SLC9A7: variants seen among roughly 807,000 people sequenced by gnomAD.
SLC9A7 encodes solute carrier family 9 member A7.
A neutral mutation model predicts 52.6 loss-of-function variants in SLC9A7; 19 were observed. The observed-to-expected ratio is 0.36, with a 90% CI of 0.25 to 0.53. The LOEUF is 0.53. SLC9A7 is among the 20% of genes least tolerant of loss of function. The pLI, the probability that SLC9A7 is intolerant of heterozygous loss-of-function variation, is 0.91. For synonymous variants in SLC9A7, 226 were observed against 252.1 expected (o/e 0.90, Z 0.98); for missense variants, 455 against 597.9 (o/e 0.76, Z 2.49).
intron 3 of SLC9A7, among the ~76,000 whole-genome samples, chrX:46,679,107 T>C (rs1944169958): frequency 8.9e-6 from 1 of 112,258 alleles, no homozygotes; most frequent in Non-Finnish European, 1.9e-5. Flanking sequence ...TCTACAATGT[T>C]ATATAAATGA....
intron 1 of SLC9A7, among the ~76,000 whole-genome samples, chrX:46,736,972 A>G (rs1945131548): frequency 9.0e-6 from 1 of 111,650 alleles, no homozygotes; most frequent in Admixed American, 9.5e-5. Context: ...TGGCCTTCAT[A>G]AGCATTCCTG....
rs761812215 is a variant in SLC9A7 at position 46,703,814 on chromosome X, T to C, written c.326-21279A>G. On this transcript the variant is annotated intron_variant, in intron 1 of 16. Transcript: ENST00000616978. The stretch of plus-strand genomic sequence containing the variant: ...ACAAGTTGCATAACATGTTACCTTT[T>C]GAGGGGAGATAAAAATCTATCTCAG... Among the ~76,000 whole-genome samples the C allele has an allele frequency of 1.4e-3, 155 of 111,757 alleles. 2 individuals are homozygous for C. Among genetic ancestry groups the C allele is most frequent in the African/African-American group, 4.9e-3 (152 of 30,817 alleles).
chrX:46,612,944 AAAAAAAAAAAAAAAAAAAAAAG>A (rs1398846488), intron 16 of SLC9A7, among the ~76,000 whole-genome samples: 1 of 94,889 alleles, frequency 1.1e-5, no homozygotes, highest in East Asian at 3.2e-4. Flanking sequence ...AAAAAAAAAA[AAAAAAAAAAAAAAAAAAAAAAG>A]AGAGAGAGAA....
At chrX:46,640,192 G>C (rs1180900301) in intron 12 of SLC9A7, among the ~76,000 whole-genome samples, 1 of 112,289 alleles carries the variant, frequency 8.9e-6, no homozygotes, top group African/African-American at 3.2e-5. Context: ...TAGTCATCAA[G>C]ACAGTATGGT....
intron 1 of SLC9A7, among the ~76,000 whole-genome samples, chrX:46,707,293 G>A (rs1447211945): frequency 8.9e-6 from 1 of 112,086 alleles, no homozygotes; most frequent in Non-Finnish European, 1.9e-5. Flanking sequence ...GGTGAATTCC[G>A]TTCTCACAAA....
chrX:46,745,294 A>G lies in SLC9A7; in HGVS notation c.325+13411T>C, dbSNP rs539922853. On this transcript the variant is annotated intron_variant, in intron 1 of 16. Transcript: ENST00000616978. ...TGTGTTTGTTCTAACCTGTCTGAAG[A>G]CTACCCAAAGGAATGACTTGAGGTT... is the stretch of plus-strand genomic sequence containing the variant. Among the ~76,000 whole-genome samples, 30 of 111,805 alleles carry G rather than the reference A, an allele frequency of 2.7e-4. No individual in the cohort carries two copies. The South Asian group carries it at 0.01, about 39-fold the overall frequency.
chrX:46,616,275 C>T (rs1365675861), intron 15 of SLC9A7, among the ~76,000 whole-genome samples: 1 of 100,608 alleles, frequency 9.9e-6, no homozygotes, highest in Non-Finnish European at 2.0e-5. Flanking sequence ...GAGTTATGAT[C>T]GTGCCACTGC....
At chrX:46,662,421 TCA>T (rs1943839678) in intron 6 of SLC9A7, 115 bp downstream of exon 6, 4 of 576,005 alleles carry the variant, frequency 6.9e-6, no homozygotes, top group Non-Finnish European at 8.2e-6. Flanking sequence ...CTGATAAATC[TCA>T]TTTAGAAAAA....
At chrX:46,651,264 C>T in intron 9 of SLC9A7, 41 bp from the exon 10 acceptor site, 2 of 1,171,521 alleles carry the variant, frequency 1.7e-6, no homozygotes, top group Non-Finnish European at 2.3e-6. Context: ...CCCTGCAGTT[C>T]CCCCTTCCCT....
At chrX:46,733,960 T>C (rs1945082352) in intron 1 of SLC9A7, among the ~76,000 whole-genome samples, 1 of 112,077 alleles carries the variant, frequency 8.9e-6, no homozygotes. Context: ...ATTGTCACAC[T>C]GGGGAAAAAA....
chrX:46,617,436 G>A (rs1942971567), intron 15 of SLC9A7, among the ~76,000 whole-genome samples: 1 of 111,220 alleles, frequency 9.0e-6, no homozygotes, highest in Admixed American at 9.6e-5. Flanking sequence ...AAAGTTGGGT[G>A]GGGAGTGACT....
chrX:46,631,007 C>T (rs1943212317), intron 14 of SLC9A7, among the ~76,000 whole-genome samples: 1 of 112,366 alleles, frequency 8.9e-6, no homozygotes, highest in African/African-American at 3.2e-5. Flanking sequence ...TGGTTGGGTC[C>T]TTCCAGCCCA....
At chrX:46,630,980 C>T (rs1291195991) in intron 14 of SLC9A7, among the ~76,000 whole-genome samples, 1 of 112,527 alleles carries the variant, frequency 8.9e-6, no homozygotes, top group African/African-American at 3.2e-5. Context: ...CACAGACATT[C>T]CTGTCAGAAG....
chrX:46,648,165 G>C (rs1172298638), intron 11 of SLC9A7, among the ~76,000 whole-genome samples: 3 of 112,327 alleles, frequency 2.7e-5, no homozygotes, highest in Admixed American at 9.4e-5. Flanking sequence ...TTAAATTCTA[G>C]TGTTGGGTCC....
chrX:46,734,243 ACACACACACACACT>A (rs1303739552), intron 1 of SLC9A7, among the ~76,000 whole-genome samples: 5 of 111,404 alleles, frequency 4.5e-5, no homozygotes, highest in Non-Finnish European at 7.5e-5. Flanking sequence ...TAAAACACAC[ACACACACACACACT>A]CACACACATA....
intron 1 of SLC9A7, among the ~76,000 whole-genome samples, chrX:46,718,055 A>G (rs1452158071): frequency 8.9e-6 from 1 of 111,889 alleles, no homozygotes; most frequent in Non-Finnish European, 1.9e-5. Context: ...TATACTACAA[A>G]GCTACAGTAA....
Position 46,656,670 on chromosome X carries a change from GA to G in SLC9A7, c.1042-2957del, listed in dbSNP as rs1362767714. ...AATGAAGCGAGAAAGGAAGTTTAGA[GA>G]AAAAAGAATAAAAAGAAATGAGCAA... is the stretch of plus-strand genomic sequence containing the variant. On this transcript the variant is annotated intron_variant, in intron 7 of 16. Transcript: ENST00000616978. 3.4e-4 allele frequency among the ~76,000 whole-genome samples: 38 copies of G among 111,642 alleles called. 1 individual carries two copies. Among genetic ancestry groups the G allele is most frequent in the Middle Eastern group, 4.6e-3 (1 of 218 alleles).
At chrX:46,643,923 G>T (rs1445547205) in intron 11 of SLC9A7, among the ~76,000 whole-genome samples, 1 of 111,961 alleles carries the variant, frequency 8.9e-6, no homozygotes, top group Non-Finnish European at 1.9e-5. Flanking sequence ...GGTTTTGTGG[G>T]CCAAGAGGCA....
chrX:46,755,934 A>C (rs1922633873), intron 1 of SLC9A7, among the ~76,000 whole-genome samples: 1 of 109,574 alleles, frequency 9.1e-6, no homozygotes, highest in Non-Finnish European at 1.9e-5. Flanking sequence ...CCCCCAAGGA[A>C]ACCAATGTTA....
Sources: gnomAD v4.1 joint callset for allele counts (sites outside exome capture counted in the v4.1 genomes callset) on GRCh38, gnomAD v4.1.1 for gene constraint, MANE v1.5 for transcripts, NCBI Gene and HGNC (gene_info 2026-07-23, HGNC 2026-07-21) for gene names.